Variants in AFDN observed in about 807,000 individuals in gnomAD.
The protein encoded by AFDN is afadin, adherens junction formation factor, also known as afadin.
Under a neutral mutation model 216.6 loss-of-function variants are expected in AFDN, and 68 were observed. That is an observed-to-expected ratio of 0.31 (90% confidence interval 0.26 to 0.38). The LOEUF (loss-of-function observed/expected upper bound fraction) is 0.38. AFDN is among the 10% of genes least tolerant of loss of function. The pLI, the probability that AFDN is intolerant of heterozygous loss-of-function variation, is 1.00. For synonymous variants in AFDN, 868 were observed against 853.7 expected, an observed-to-expected ratio of 1.02 and a Z score of -0.29; for missense variants, 2,136 against 2,342.0, an observed-to-expected ratio of 0.91 and a Z score of 1.82.
At chr6:167,885,064 C>CTAGCT (rs1336090773) in intron 6 of AFDN, among the ~76,000 whole-genome samples, 1 of 152,204 alleles carries the variant, frequency 6.6e-6, no homozygotes, top group Non-Finnish European at 1.5e-5. Flanking sequence ...TCAACCTCTG[C>CTAGCT]TAGCTTCAGA....
intron 8 of AFDN, 49 bp downstream of exon 8, chr6:167,891,078 C>A: frequency 1.4e-6 from 2 of 1,412,670 alleles, no homozygotes; most frequent in Non-Finnish European, 1.9e-6. Flanking sequence ...GCATTTTTAG[C>A]TTCAAATCTT....
intron 30 of AFDN, among the ~76,000 whole-genome samples, chr6:167,958,744 G>T (rs1025715886): frequency 6.6e-6 from 1 of 152,204 alleles, no homozygotes; most frequent in African/African-American, 2.4e-5. Context: ...AATTGGACAT[G>T]CCCCTCTTGA....
chr6:167,918,552 A>G (rs1209288562), intron 20 of AFDN, among the ~76,000 whole-genome samples, 183 bp from the exon 21 acceptor site: 1 of 152,154 alleles, frequency 6.6e-6, no homozygotes, highest in Non-Finnish European at 1.5e-5. Flanking sequence ...GGCTTTAGAA[A>G]ACTGATGATG....
chr6:167,969,951 A>G lies in AFDN; in HGVS notation c.*16A>G. 1 of 1,596,062 alleles carries G rather than the reference A, an allele frequency of 6.3e-7. No individual in the cohort carries two copies. The highest frequency in any genetic ancestry group is 8.5e-7 in the Non-Finnish European group (1 of 1,174,168). On this transcript the variant is annotated 3_prime_UTR_variant, in exon 34 of 34. Coordinates refer to ENST00000683244, the MANE Select transcript of AFDN (RefSeq NM_001386888.1). Reference sequence around the variant, plus strand: ...CACAAAGTGAAAGAAAATGAGGAGAACACTTTGTATTTACCCCAAAATCTT... The same window carrying G: ...CACAAAGTGAAAGAAAATGAGGAGAGCACTTTGTATTTACCCCAAAATCTT...
chr6:167,903,870 C>G (rs144327003), intron 12 of AFDN, among the ~76,000 whole-genome samples: 1 of 152,232 alleles, frequency 6.6e-6, no homozygotes, highest in East Asian at 1.9e-4. Flanking sequence ...AAATCTGGCA[C>G]GCATTTTGTC....
chr6:167,964,108 A>G (rs545148410), intron 31 of AFDN: 21 of 1,063,830 alleles, frequency 2.0e-5, no homozygotes, highest in South Asian at 1.4e-4. Flanking sequence ...AATTTTTCCA[A>G]TGTGTTTTCA....
intron 4 of AFDN, 127 bp downstream of exon 4, chr6:167,872,504 G>C: frequency 9.7e-7 from 1 of 1,032,310 alleles, no homozygotes; most frequent in South Asian, 1.6e-5. Flanking sequence ...ATGTGTTTGG[G>C]TCTACTCCCA....
At position 167,875,657 on chromosome 6, in the gene AFDN, G is replaced by A. The variant is rs1004669760; in HGVS notation, c.739+162G>A. Among the ~76,000 whole-genome samples the A allele has an allele frequency of 5.3e-5, 8 of 151,604 alleles. No individual in the cohort carries two copies. The East Asian group carries it at 1.5e-3, about 29-fold the overall frequency. ...CTGGTACAAAATCAGCCTACCCTATGTACAAGAGTCCTGTTCACATAGGGA... is the reference window on the plus strand; with the variant it reads ...CTGGTACAAAATCAGCCTACCCTATATACAAGAGTCCTGTTCACATAGGGA... On this transcript the variant is annotated intron_variant, in intron 5 of 33. Coordinates refer to ENST00000683244, the MANE Select transcript of AFDN (RefSeq NM_001386888.1).
intron 1 of AFDN, among the ~76,000 whole-genome samples, chr6:167,836,133 G>C (rs1780406916): frequency 6.6e-6 from 1 of 152,166 alleles, no homozygotes; most frequent in Non-Finnish European, 1.5e-5. Context: ...CAAGCTATTA[G>C]AGTGATGACC....
chr6:167,946,508 T>C (rs983165617), intron 26 of AFDN, among the ~76,000 whole-genome samples, 199 bp from the exon 27 acceptor site: 1 of 152,240 alleles, frequency 6.6e-6, no homozygotes, highest in East Asian at 1.9e-4. Context: ...AGTGTTTATC[T>C]TCCCATCATT....
At chr6:167,862,513 T>A (rs1474789896) in intron 1 of AFDN, among the ~76,000 whole-genome samples, 1 of 152,020 alleles carries the variant, frequency 6.6e-6, no homozygotes, top group East Asian at 1.9e-4. Context: ...GTAGCTGAGA[T>A]TACAGGTGCC....
At position 167,827,233 on chromosome 6, in the gene AFDN, C is replaced by A; in HGVS notation, c.101C>A (p.Thr34Asn). ...RLDLFEISQP[T>N]EDLEFHGVMR... The stretch of plus-strand genomic sequence containing the variant: ...GACCTGTTCGAGATCAGCCAGCCGA[C>A]CGAGGTGAGCACCGCCGGGCGCGGG... Residue 34 changes from threonine (T) to asparagine (N), a missense_variant, in exon 1 of 34, where the codon ACC becomes AAC. By Grantham distance (65) the Thr-to-Asn change is moderately conservative (BLOSUM62 0). Transcript: ENST00000683244. 1 of 1,196,216 alleles carries A rather than the reference C, an allele frequency of 8.4e-7. No homozygotes were observed. The highest frequency in any genetic ancestry group is 1.1e-6 in the Non-Finnish European group (1 of 934,208). 74.1% of individuals were successfully genotyped at this position (1,196,216 alleles called of 1,614,324 possible).
intron 5 of AFDN, 142 bp from the exon 6 acceptor site, chr6:167,880,218 A>G: frequency 1.4e-6 from 1 of 710,570 alleles, no homozygotes; most frequent in East Asian, 2.6e-5. Context: ...AGGAAATGAA[A>G]CAATAGTTAT....
At chr6:167,934,243 C>A (rs1793695495) in intron 23 of AFDN, among the ~76,000 whole-genome samples, 1 of 152,074 alleles carries the variant, frequency 6.6e-6, no homozygotes, top group South Asian at 2.1e-4. Context: ...TTATACAAAG[C>A]ATAAACGAAA....
intron 23 of AFDN, among the ~76,000 whole-genome samples, chr6:167,925,783 A>G (rs1792444125): frequency 6.6e-6 from 1 of 152,200 alleles, no homozygotes; most frequent in Admixed American, 6.5e-5. Flanking sequence ...GCCTCTTCCA[A>G]TATGGAATCT....
intron 29 of AFDN, among the ~76,000 whole-genome samples, chr6:167,949,486 T>C (rs3778665): frequency 0.13 from 20,079 of 152,126 alleles, 1,617 homozygotes; most frequent in South Asian, 0.22. Context: ...AGATGTTGGC[T>C]ATCAGGAGAT....
chr6:167,949,158 G>A (rs902484630), intron 29 of AFDN, among the ~76,000 whole-genome samples: 1 of 152,190 alleles, frequency 6.6e-6, no homozygotes, highest in African/African-American at 2.4e-5. Flanking sequence ...TATCCAATGT[G>A]GTTTTCTTTT....
In AFDN at chr6:167,924,909, C is replaced by T. The variant is rs1189432200; in HGVS notation, c.3013-96C>T. On this transcript the variant is annotated intron_variant, in intron 22 of 33. Transcript: ENST00000683244. ...CTCATCCTTTTTCTTTCCCCATTTGCTCCAGTGAACATGATTGACTAGATC... is the reference window on the plus strand; with the variant it reads ...CTCATCCTTTTTCTTTCCCCATTTGTTCCAGTGAACATGATTGACTAGATC... 3.4e-6 allele frequency: 3 copies of T among 875,184 alleles called. No individual in the cohort carries two copies. The African/African-American group carries it at 4.9e-5, about 14-fold the overall frequency. The allele number at this position is 875,184 out of a possible 1,614,324, so 54.2% of individuals were successfully genotyped here. A position where few individuals can be genotyped will look rare whatever the true frequency, so the allele number is the denominator to read the frequency against.
chr6:167,905,158 C>A (rs932066516), intron 12 of AFDN, among the ~76,000 whole-genome samples: 3 of 152,198 alleles, frequency 2.0e-5, no homozygotes, highest in African/African-American at 7.2e-5. Context: ...TGTCCCTGAG[C>A]ATCCTGTCAC....
Sources: allele counts gnomAD v4.1 joint callset (sites outside exome capture counted in the v4.1 genomes callset), GRCh38; gene constraint gnomAD v4.1.1; transcripts MANE v1.5; gene names NCBI Gene and HGNC (gene_info 2026-07-23, HGNC 2026-07-21).